LPP: variants seen among roughly 807,000 people sequenced by gnomAD.
LPP encodes LIM domain containing preferred translocation partner in lipoma.
A neutral mutation model predicts 60.4 loss-of-function variants in LPP; 38 were observed. That is an observed-to-expected ratio of 0.63 (90% confidence interval 0.49 to 0.83). The LOEUF (loss-of-function observed/expected upper bound fraction) is 0.83, where lower values mean the gene tolerates loss of function less well. Among genes scored for constraint, LPP ranks in the 40% least tolerant of loss-of-function variants. The pLI, the probability that LPP is intolerant of heterozygous loss-of-function variation, is 0.00. For missense variants in LPP, 902 were observed against 783.6 expected (o/e 1.15, Z -1.80); for synonymous variants, 328 against 290.8 (o/e 1.13, Z -1.30).
intron 8 of LPP, among the ~76,000 whole-genome samples, chr3:188,756,563 A>C (rs755793936): frequency 6.6e-6 from 1 of 152,212 alleles, no homozygotes; most frequent in African/African-American, 2.4e-5. Context: ...AGCATACACT[A>C]TGCTTGAGTA....
intron 7 of LPP, among the ~76,000 whole-genome samples, chr3:188,665,336 A>C (rs769066862): frequency 3.3e-5 from 5 of 152,202 alleles, no homozygotes; most frequent in Non-Finnish European, 7.3e-5. Context: ...GAAAAAGGAA[A>C]GAATGGTTTC....
chr3:188,599,751 G>GGGGGGT (rs374294307), intron 6 of LPP, among the ~76,000 whole-genome samples: 3 of 139,828 alleles, frequency 2.1e-5, no homozygotes, highest in African/African-American at 5.4e-5. Flanking sequence ...ACTCGTTAGG[G>GGGGGGT]GTGTGTGTGT....
intron 6 of LPP, among the ~76,000 whole-genome samples, chr3:188,600,594 C>T (rs560043100): frequency 3.3e-5 from 5 of 152,020 alleles, no homozygotes; most frequent in East Asian, 1.9e-4. Flanking sequence ...CAATTTTAAG[C>T]GTATAATTCA....
chr3:188,414,329 A>T (rs1188246379), intron 4 of LPP, among the ~76,000 whole-genome samples: 2 of 152,152 alleles, frequency 1.3e-5, no homozygotes, highest in African/African-American at 4.8e-5. Context: ...ACAATGCTCA[A>T]AGGAAATGCT....
intron 3 of LPP, among the ~76,000 whole-genome samples, chr3:188,377,782 C>G (rs1343447585): frequency 6.6e-6 from 1 of 152,168 alleles, no homozygotes; most frequent in African/African-American, 2.4e-5. Context: ...GAGTGGCGCT[C>G]TGATTTTTAG....
chr3:188,404,074 A>C (rs1444109812), intron 3 of LPP, among the ~76,000 whole-genome samples: 1 of 152,172 alleles, frequency 6.6e-6, no homozygotes, highest in African/African-American at 2.4e-5. Flanking sequence ...AAAACTATAC[A>C]TCAAGCTGTT....
At chr3:188,380,465 C>G (rs1776568743) in intron 3 of LPP, among the ~76,000 whole-genome samples, 1 of 152,218 alleles carries the variant, frequency 6.6e-6, no homozygotes, top group African/African-American at 2.4e-5. Flanking sequence ...TTCCTTTGGA[C>G]TCATGGCCTT....
At chr3:188,639,523 A>C (rs1285102889) in intron 7 of LPP, among the ~76,000 whole-genome samples, 1 of 151,662 alleles carries the variant, frequency 6.6e-6, no homozygotes, top group East Asian at 1.9e-4. Flanking sequence ...AATGGGATCT[A>C]ATTAAACTAA....
intron 2 of LPP, among the ~76,000 whole-genome samples, chr3:188,294,814 A>G (rs772352775): frequency 1.4e-4 from 21 of 152,218 alleles, no homozygotes; most frequent in Non-Finnish European, 2.8e-4. Flanking sequence ...CAGGGAATAG[A>G]GGAGACCTGC....
intron 2 of LPP, among the ~76,000 whole-genome samples, chr3:188,270,419 T>C (rs1174563524): frequency 1.3e-5 from 2 of 152,178 alleles, no homozygotes; most frequent in African/African-American, 4.8e-5. Context: ...AGAAGAATCT[T>C]CCTCTTCTCA....
chr3:188,439,465 G>A (rs188791319), intron 4 of LPP, among the ~76,000 whole-genome samples: 5 of 152,282 alleles, frequency 3.3e-5, no homozygotes, highest in Non-Finnish European at 5.9e-5. Flanking sequence ...TGGTAGTCTC[G>A]AGATAATTGA....
chr3:188,493,099 T>C (rs1808878337), intron 5 of LPP, among the ~76,000 whole-genome samples: 1 of 152,218 alleles, frequency 6.6e-6, no homozygotes, highest in Admixed American at 6.5e-5. Flanking sequence ...AGTAATTTTA[T>C]GGGAAGGCTA....
chr3:188,283,057 A>G (rs551804287), intron 2 of LPP, among the ~76,000 whole-genome samples: 2 of 152,280 alleles, frequency 1.3e-5, no homozygotes, highest in Middle Eastern at 6.8e-3. Context: ...GTTTTGGAGC[A>G]TGGCTTTTAT....
At chr3:188,842,503 G>C (rs1265502588) in intron 9 of LPP, among the ~76,000 whole-genome samples, 1 of 152,006 alleles carries the variant, frequency 6.6e-6, no homozygotes, top group Non-Finnish European at 1.5e-5. Context: ...TTCCTTTGCT[G>C]TGCAGATTAA....
chr3:188,507,458 A>T (rs986559400), intron 5 of LPP, among the ~76,000 whole-genome samples: 1 of 152,094 alleles, frequency 6.6e-6, no homozygotes, highest in African/African-American at 2.4e-5. Context: ...AGGGGGAAAA[A>T]ATAAATATGG....
chr3:188,779,485 G>A (rs1418736968), intron 9 of LPP, among the ~76,000 whole-genome samples: 1 of 152,070 alleles, frequency 6.6e-6, no homozygotes, highest in African/African-American at 2.4e-5. Context: ...GTCGGTCTTG[G>A]AATATGGAGG....
chr3:188,476,871 T>C (rs1803372975), intron 4 of LPP, among the ~76,000 whole-genome samples: 1 of 152,182 alleles, frequency 6.6e-6, no homozygotes, highest in Non-Finnish European at 1.5e-5. Context: ...AAGGGAGATA[T>C]ATTGTGCTAT....
At chr3:188,440,775 T>G (rs1793576375) in intron 4 of LPP, among the ~76,000 whole-genome samples, 1 of 152,176 alleles carries the variant, frequency 6.6e-6, no homozygotes, top group African/African-American at 2.4e-5. Context: ...ATTCTGACTG[T>G]GAATGGAGGA....
chr3:188,432,886 G>A (rs1000431733), intron 4 of LPP, among the ~76,000 whole-genome samples: 3 of 152,076 alleles, frequency 2.0e-5, no homozygotes, highest in East Asian at 3.9e-4. Flanking sequence ...AGCTCAGTGC[G>A]AACACACATG....
Sources: allele counts gnomAD v4.1 joint callset (sites outside exome capture counted in the v4.1 genomes callset), GRCh38; gene constraint gnomAD v4.1.1; transcripts MANE v1.5; gene names NCBI Gene and HGNC (gene_info 2026-07-23, HGNC 2026-07-21).